SLCO6A1: variants seen among roughly 807,000 people sequenced by gnomAD.
The protein encoded by SLCO6A1 is solute carrier organic anion transporter family member 6A1, also known as cancer/testis antigen 48.
In SLCO6A1, 65 loss-of-function variants were observed where a neutral mutation model predicts 72.7. The observed-to-expected ratio is 0.89, with a 90% CI of 0.73 to 1.10. The LOEUF is 1.10. Among genes scored for constraint, SLCO6A1 ranks in the 50% least tolerant of loss-of-function variants. The pLI, the probability that SLCO6A1 is intolerant of heterozygous loss-of-function variation, is 0.00. For synonymous variants in SLCO6A1, 314 were observed against 298.2 expected (o/e 1.05, Z -0.55); for missense variants, 874 against 872.6 (o/e 1.00, Z -0.02).
chr5:102,490,995 T>C (rs1281517036), intron 1 of SLCO6A1, among the ~76,000 whole-genome samples: 1 of 152,050 alleles, frequency 6.6e-6, no homozygotes, highest in African/African-American at 2.4e-5. Flanking sequence ...ACTGCTCCAT[T>C]TTACAGAGAG....
intron 1 of SLCO6A1, among the ~76,000 whole-genome samples, chr5:102,488,379 G>A (rs762430752): frequency 1.3e-5 from 2 of 152,200 alleles, no homozygotes; most frequent in South Asian, 2.1e-4. Context: ...AAATGTTAAT[G>A]TTTTGTTATA....
chr5:102,391,676 C>T (rs1329751477), intron 10 of SLCO6A1, among the ~76,000 whole-genome samples: 1 of 152,014 alleles, frequency 6.6e-6, no homozygotes, highest in Non-Finnish European at 1.5e-5. Context: ...GGAAGGATAC[C>T]AGAGGTAATG....
chr5:102,491,682 GGCCCGCAAGCGCGGTGCGCA>G (rs1752684999), intron 1 of SLCO6A1, among the ~76,000 whole-genome samples: 1 of 152,256 alleles, frequency 6.6e-6, no homozygotes, highest in Admixed American at 6.5e-5. Flanking sequence ...AACTCGTGCT[GGCCCGCAAGCGCGGTGCGCA>G]GCCCCGGTTC....
At chr5:102,427,864 A>ATTTT (rs1200200259) in intron 7 of SLCO6A1, among the ~76,000 whole-genome samples, 40 of 76,280 alleles carry the variant, frequency 5.2e-4, no homozygotes, top group Non-Finnish European at 7.2e-4. Flanking sequence ...ATATATATAT[A>ATTTT]TTTTTTTTTT....
At chr5:102,416,039 TA>T (rs1000295717) in intron 8 of SLCO6A1, among the ~76,000 whole-genome samples, 2 of 152,152 alleles carry the variant, frequency 1.3e-5, no homozygotes, top group Admixed American at 6.6e-5. Context: ...TGGCTATTTT[TA>T]AAAAGTTAAA....
chr5:102,477,571 G>A (rs1029258895), intron 3 of SLCO6A1, 105 bp downstream of exon 3: 7 of 848,886 alleles, frequency 8.2e-6, no homozygotes, highest in Non-Finnish European at 1.3e-5. Context: ...TTATTACAAT[G>A]TTATCATAAG....
intron 7 of SLCO6A1, among the ~76,000 whole-genome samples, chr5:102,432,382 C>T (rs1272360914): frequency 6.6e-6 from 1 of 152,122 alleles, no homozygotes; most frequent in Non-Finnish European, 1.5e-5. Flanking sequence ...ATGGTCTTTC[C>T]TTTCCATATT....
chr5:102,466,179 C>CA (rs1402382481), intron 4 of SLCO6A1, among the ~76,000 whole-genome samples: 3 of 152,072 alleles, frequency 2.0e-5, no homozygotes, highest in Non-Finnish European at 4.4e-5. Flanking sequence ...TTCCTCCCCC[C>CA]ACCCTCTGCC....
At chr5:102,388,929 A>T in intron 11 of SLCO6A1, 104 bp from the exon 12 acceptor site, 1 of 967,682 alleles carries the variant, frequency 1.0e-6, no homozygotes, top group Non-Finnish European at 1.5e-6. Context: ...CATCATTCAA[A>T]ACATATCACT....
At chr5:102,442,788 G>A (rs1425248701) in intron 6 of SLCO6A1, among the ~76,000 whole-genome samples, 3 of 152,202 alleles carry the variant, frequency 2.0e-5, no homozygotes, top group East Asian at 1.9e-4. Flanking sequence ...AACGGGTTGC[G>A]CGCAGTGGCT....
At chr5:102,416,322 T>A (rs1443493063) in intron 8 of SLCO6A1, among the ~76,000 whole-genome samples, 1 of 151,876 alleles carries the variant, frequency 6.6e-6, no homozygotes, top group African/African-American at 2.4e-5. Flanking sequence ...CAACAGATGA[T>A]TGAATTAAAA....
chr5:102,488,076 A>G (rs532980372), intron 1 of SLCO6A1, among the ~76,000 whole-genome samples: 10 of 152,312 alleles, frequency 6.6e-5, no homozygotes, highest in African/African-American at 2.4e-4. Context: ...GCATAAATTA[A>G]AGCATATAGT....
chr5:102,456,684 A>G (rs1014489322), intron 6 of SLCO6A1, among the ~76,000 whole-genome samples: 1 of 152,206 alleles, frequency 6.6e-6, no homozygotes, highest in Admixed American at 6.5e-5. Context: ...TGCCCAAGGT[A>G]ATTTATAGAT....
At chr5:102,477,508 C>T (rs886411743) in intron 3 of SLCO6A1, among the ~76,000 whole-genome samples, 168 bp downstream of exon 3, 33 of 152,116 alleles carry the variant, frequency 2.2e-4, no homozygotes, top group African/African-American at 7.0e-4. Context: ...CAAACAGCTA[C>T]TTAGAATTAG....
chr5:102,471,200 C>T (rs1418918360), intron 4 of SLCO6A1, among the ~76,000 whole-genome samples: 2 of 152,034 alleles, frequency 1.3e-5, no homozygotes, highest in African/African-American at 4.8e-5. Context: ...TGAGAACCTT[C>T]CAAAGTAAAT....
intron 1 of SLCO6A1, among the ~76,000 whole-genome samples, chr5:102,486,667 T>A (rs1752454432): frequency 6.6e-6 from 1 of 152,150 alleles, no homozygotes; most frequent in Admixed American, 6.5e-5. Context: ...ATGTTGATGT[T>A]AAATATTATA....
At chr5:102,491,123 C>A (rs949959180) in intron 1 of SLCO6A1, among the ~76,000 whole-genome samples, 1 of 152,178 alleles carries the variant, frequency 6.6e-6, no homozygotes, top group Admixed American at 6.5e-5. Flanking sequence ...CACAAAGGTT[C>A]TCCAAGTCCC....
At position 102,413,072 on chromosome 5, in the gene SLCO6A1, G is replaced by A. The variant is rs780244792; in HGVS notation, c.1544C>T (p.Ser515Phe). The A allele has an allele frequency of 6.3e-7, 1 of 1,579,672 alleles. No individual in the cohort carries two copies. The highest frequency in any genetic ancestry group is 1.2e-5 in the South Asian group (1 of 80,938). ...KCRCSSSIYS[S>F]ICGRDDIEYF... ...TTCAATATCATCTCTTCCACATATA[G>A]AAGAATAAATTGAAGATGAGCATCT... is the stretch of plus-strand genomic sequence containing the variant. Residue 515 changes from serine (S) to phenylalanine (F), a missense_variant, in exon 9 of 14, where the codon TCT (serine) becomes TTT (phenylalanine). Transcript: ENST00000506729.
intron 7 of SLCO6A1, among the ~76,000 whole-genome samples, chr5:102,422,061 A>T (rs560276649): frequency 6.6e-5 from 10 of 152,366 alleles, no homozygotes; most frequent in African/African-American, 2.4e-4. Context: ...TAACAAACAG[A>T]AAGCAATAAC....
Sources: allele counts gnomAD v4.1 joint callset (sites outside exome capture counted in the v4.1 genomes callset), GRCh38; gene constraint gnomAD v4.1.1; transcripts MANE v1.5; gene names NCBI Gene and HGNC (gene_info 2026-07-23, HGNC 2026-07-21).